The following ISM2 variants were observed in gnomAD, a reference collection of about 807,000 sequenced individuals.
ISM2 encodes the protein isthmin-2.
In ISM2, 50 loss-of-function variants were observed where a neutral mutation model predicts 58.0. The observed-to-expected ratio is 0.86, with a 90% confidence interval of 0.69 to 1.09. The LOEUF is 1.09. Ranked by LOEUF, ISM2 falls within the 50% of genes least tolerant of loss-of-function variation. The pLI is 0.00. For synonymous variants in ISM2, 303 were observed against 312.4 expected (o/e 0.97, Z 0.32); for missense variants, 723 against 745.0 (o/e 0.97, Z 0.34).
At chr14:77,495,577 C>T (rs951334700) in intron 1 of ISM2, among the ~76,000 whole-genome samples, 1 of 152,214 alleles carries the variant, frequency 6.6e-6, no homozygotes, top group Non-Finnish European at 1.5e-5. Flanking sequence ...CTGTCTACAA[C>T]AGTCATTCTC....
chr14:77,482,603 C>G lies in ISM2; in HGVS notation c.692G>C (p.Ser231Thr). Residue 231 changes from serine (S) to threonine (T), a missense_variant, in exon 4 of 7, where the codon AGC (serine) becomes ACC (threonine). Ser to Thr is a moderately conservative substitution (Grantham distance 58). Coordinates refer to ENST00000342219, the MANE Select transcript of ISM2 (RefSeq NM_199296.3). ...EVSIDLLAEP[S>T]NPPPQDTLSW... ...AAGGGTATCCTGGGGCGGGGGATTG[C>G]TGGGCTCAGCCAACAGGTCTATCGA... The G allele has an allele frequency of 6.2e-7, 1 of 1,607,772 alleles. No homozygotes were observed.
At chr14:77,491,377 C>A (rs1026778243) in intron 1 of ISM2, among the ~76,000 whole-genome samples, 2 of 152,192 alleles carry the variant, frequency 1.3e-5, no homozygotes, top group Non-Finnish European at 2.9e-5. Flanking sequence ...TCTCTCAGGT[C>A]TCCTCTGTTT....
intron 4 of ISM2, among the ~76,000 whole-genome samples, chr14:77,479,370 C>T (rs1455161531): frequency 1.4e-4 from 21 of 150,858 alleles, no homozygotes. Context: ...AAGCATGCGC[C>T]ACCATGCCTG....
Position 77,483,620 on chromosome 14 carries a change from TTGCGTG to T in ISM2, c.627+697_627+702del, listed in dbSNP as rs568297724. 2.1e-3 allele frequency among the ~76,000 whole-genome samples: 320 copies of T among 151,938 alleles called. 9 individuals are homozygous for T. The East Asian group carries it at 0.048, about 23-fold the overall frequency. ...ACTGACATTTCTGCCTTCCAGTTTT[TTGCGTG>T]TGCGTGTGCGTGTGTGCGTGTGTGT... On this transcript the variant is annotated intron_variant, in intron 3 of 6. Coordinates refer to ENST00000342219, the MANE Select transcript of ISM2 (RefSeq NM_199296.3).
At chr14:77,488,291 T>C (rs1467022624) in intron 1 of ISM2, among the ~76,000 whole-genome samples, 1 of 152,180 alleles carries the variant, frequency 6.6e-6, no homozygotes, top group Non-Finnish European at 1.5e-5. Flanking sequence ...GATGAGGCTA[T>C]GGAGGCTCAG....
chr14:77,476,109 A>C lies in ISM2; in HGVS notation c.1202T>G (p.Val401Gly). The change falls in exon 7 of 7, where the codon GTG becomes GGG. Residue 401 changes from valine to glycine, a missense_variant. Coordinates refer to ENST00000342219, the MANE Select transcript of ISM2 (RefSeq NM_199296.3). ...RNATDMHDQD[V>G]DSCEKWLNCK... ...GTTCAGCCACTTCTCACAGCTGTCC[A>C]CATCTGCAAAGGGCCACAAAGTGCA... 1 of 1,514,882 alleles carries C rather than the reference A, an allele frequency of 6.6e-7. No individual in the cohort carries two copies. Among genetic ancestry groups the C allele is most frequent in the African/African-American group, 1.4e-5 (1 of 72,616 alleles). The allele number at this position is 1,514,882 out of a possible 1,614,324, so 93.8% of individuals were successfully genotyped here.
chr14:77,477,707 T>C (rs1352317653), intron 6 of ISM2, among the ~76,000 whole-genome samples: 3 of 152,190 alleles, frequency 2.0e-5, no homozygotes, highest in Admixed American at 6.5e-5. Context: ...CAGTAGGCTC[T>C]TGCTGTGCTG....
At chr14:77,497,516 C>G (rs1049697514) in intron 1 of ISM2, among the ~76,000 whole-genome samples, 13 of 151,484 alleles carry the variant, frequency 8.6e-5, no homozygotes, top group African/African-American at 3.2e-4. Context: ...GAGACCCCCC[C>G]ATCTCTACAA....
chr14:77,490,239 C>T (rs573269372), intron 1 of ISM2, among the ~76,000 whole-genome samples: 8 of 152,196 alleles, frequency 5.3e-5, no homozygotes, highest in Admixed American at 2.6e-4. Flanking sequence ...CTTCGTGATC[C>T]GCCCGCCTCG....
rs758060973 is a variant in ISM2, at chr14:77,475,681, G to T, written c.1630C>A (p.Leu544Ile). 6.2e-7 allele frequency: 1 copy of T among 1,614,000 alleles called. No homozygotes were observed. The highest frequency in any genetic ancestry group is 1.1e-5 in the South Asian group (1 of 91,056). ...KGDWSRLHAVLPPNNGRACTD... is the reference protein window; with the variant it reads ...KGDWSRLHAVIPPNNGRACTD... ...CAGGCTCGGCCGTTGTTGGGAGGGAGCACAGCGTGGAGGCGGCTCCAGTCC... is the reference window on the plus strand; with the variant it reads ...CAGGCTCGGCCGTTGTTGGGAGGGATCACAGCGTGGAGGCGGCTCCAGTCC... Residue 544 changes from leucine (L) to isoleucine (I), a missense_variant, in exon 7 of 7, where the codon CTC becomes ATC. Transcript: ENST00000342219. The surrounding 1 kb of genome is among the most constrained non-coding windows in gnomAD (Gnocchi z 4.1).
chr14:77,483,629 C>CGTGTGCGT (rs986856196), intron 3 of ISM2, among the ~76,000 whole-genome samples: 2 of 150,104 alleles, frequency 1.3e-5, no homozygotes, highest in Non-Finnish European at 3.0e-5. Context: ...TTTGCGTGTG[C>CGTGTGCGT]GTGTGCGTGT....
At position 77,475,625 on chromosome 14, in the gene ISM2, T is replaced by C; in HGVS notation, c.1686A>G (p.Leu562=). The C allele has an allele frequency of 6.2e-7, 1 of 1,604,588 alleles. No homozygotes were observed. The highest frequency in any genetic ancestry group is 1.1e-5 in the South Asian group (1 of 89,182). Residue 562 remains leucine (L), a synonymous_variant, in exon 7 of 7, where the codon CTA becomes CTG. Coordinates refer to ENST00000342219, the MANE Select transcript of ISM2 (RefSeq NM_199296.3). The surrounding 1 kb of genome is among the most constrained non-coding windows in gnomAD (Gnocchi z 4.1). The part of the protein sequence containing the change: ...CTDNPLEEEY[L]AQLQEAKEY ...ACTCCTTGGCCTCCTGCAACTGTGC[T>C]AGGTACTCCTCCTCCAGGGGGTTGT...
At chr14:77,492,516 CT>C (rs11345814) in intron 1 of ISM2, among the ~76,000 whole-genome samples, 72,349 of 93,478 alleles carry the variant, frequency 0.77, 28,253 homozygotes, top group East Asian at 0.93. Context: ...TGGCCCCAGC[CT>C]TTTTTTTTTT....
chr14:77,478,345 C>A lies in ISM2; in HGVS notation c.1115-20G>T. On this transcript the variant is annotated intron_variant, in intron 5 of 6. Coordinates refer to ENST00000342219, the MANE Select transcript of ISM2 (RefSeq NM_199296.3). Reference sequence around the variant, plus strand: ...CAGTGCCTTTGGGAGGAAAGGAGGCCAGGCTGGTGGCTCCGCAGGCCACCT... The same window carrying A: ...CAGTGCCTTTGGGAGGAAAGGAGGCAAGGCTGGTGGCTCCGCAGGCCACCT... The A allele has an allele frequency of 6.2e-7, 1 of 1,606,996 alleles. No homozygotes were observed. Among genetic ancestry groups the A allele is most frequent in the South Asian group, 1.1e-5 (1 of 90,874 alleles).
intron 4 of ISM2, among the ~76,000 whole-genome samples, chr14:77,480,933 T>C (rs965844956): frequency 1.3e-5 from 2 of 152,122 alleles, no homozygotes; most frequent in Non-Finnish European, 2.9e-5. Context: ...GTCTTAACAA[T>C]AGGCACCTCT....
At chr14:77,498,165 C>T (rs1261723156) in intron 1 of ISM2, 2 of 1,042,806 alleles carry the variant, frequency 1.9e-6, no homozygotes, top group Non-Finnish European at 2.5e-6. Flanking sequence ...GGCTGGCCAC[C>T]CCTGCCGGCG....
At chr14:77,484,126 G>C (rs1208769220) in intron 3 of ISM2, 197 bp downstream of exon 3, 1 of 634,936 alleles carries the variant, frequency 1.6e-6, no homozygotes, top group Non-Finnish European at 2.6e-6. Flanking sequence ...ACTTGCCCAA[G>C]GCCCACAGCT....
At position 77,498,318 on chromosome 14, in the gene ISM2, T is replaced by G. The variant is rs12434449; in HGVS notation, c.141+335A>C. The G allele has an allele frequency of 2.2e-6, 3 of 1,371,340 alleles. No individual in the cohort carries two copies. The African/African-American group carries it at 4.4e-5, about 20-fold the overall frequency. 84.9% of individuals were successfully genotyped at this position (1,371,340 alleles called of 1,614,324 possible). ...ACTCCTCTCCGAGCTAGCGCGCACC[T>G]GGAAAGGGGGCTGCAGGCGAGGTCC... On this transcript the variant is annotated intron_variant, in intron 1 of 6. Transcript: ENST00000342219.
chr14:77,488,874 G>C (rs903305808), intron 1 of ISM2, among the ~76,000 whole-genome samples: 11 of 152,118 alleles, frequency 7.2e-5, no homozygotes, highest in Admixed American at 2.6e-4. Context: ...GAGACTCCAG[G>C]TTGTTGAAGA....
Sources: gnomAD v4.1 joint callset for allele counts (sites outside exome capture counted in the v4.1 genomes callset) on GRCh38, gnomAD v4.1.1 for gene constraint, Gnocchi (gnomAD v3.1) non-coding constraint, MANE v1.5 for transcripts, NCBI Gene and HGNC (gene_info 2026-07-23, HGNC 2026-07-21) for gene names.